Variants in TUSC3 observed in about 807,000 individuals in gnomAD.
TUSC3 encodes the protein tumor suppressor candidate 3.
TUSC3 carries 45 observed loss-of-function variants against 44.8 expected under a neutral mutation model. That is an observed-to-expected ratio of 1.00 (90% CI 0.79 to 1.29). The LOEUF (loss-of-function observed/expected upper bound fraction) is 1.29. Among genes scored for constraint, TUSC3 ranks in the 50% most tolerant of loss-of-function variants. The pLI is 0.00. For missense variants in TUSC3, 519 were observed against 437.9 expected (o/e 1.19, Z -1.65); for synonymous variants, 212 against 152.9 (o/e 1.39, Z -2.85).
In TUSC3 at chr8:15,442,850, C is replaced by T. The variant is rs936243805; in HGVS notation, n.91+25545C>T. Among the ~76,000 whole-genome samples, 19 of 152,282 alleles carry T rather than the reference C, an allele frequency of 1.2e-4. No individual in the cohort carries two copies. The East Asian group carries it at 2.5e-3, about 20-fold the overall frequency. On this transcript the variant is annotated intron_variant and non_coding_transcript_variant, in intron 1 of 5. Coordinates refer to the TUSC3 transcript ENST00000503191. ...GCCTTGGTCTTCTGTATCCATGGTG[C>T]ATGGAGCCCAGTTGTAGACAAGAAT...
chr8:15,539,345 CTTTTTTTTTT>C (rs35685582), upstream of TUSC3, among the ~76,000 whole-genome samples: 32 of 69,410 alleles, frequency 4.6e-4, no homozygotes, highest in Admixed American at 5.4e-3. Context: ...TGCTATGGTT[CTTTTTTTTTT>C]TTTTTTTTTT....
chr8:15,778,951 G>A, the TUSC3 span, among the ~76,000 whole-genome samples: 1 of 152,048 alleles, frequency 6.6e-6, no homozygotes, highest in African/African-American at 2.4e-5. Context: ...AACCCAAAAG[G>A]CTATTTAATT....
At chr8:15,497,447 A>T (rs771565683) in intron 2 of TUSC3, among the ~76,000 whole-genome samples, 3 of 152,196 alleles carry the variant, frequency 2.0e-5, no homozygotes, top group Non-Finnish European at 4.4e-5. Context: ...TTAAAATTAG[A>T]TTCCAGAACT....
chr8:15,426,849 C>A (rs1392412639), intron 1 of TUSC3, among the ~76,000 whole-genome samples: 1 of 152,166 alleles, frequency 6.6e-6, no homozygotes, highest in East Asian at 1.9e-4. Context: ...TATATTCCCA[C>A]CAGCATTGTA....
At chr8:15,446,685 C>T (rs571205436) in intron 1 of TUSC3, among the ~76,000 whole-genome samples, 1 of 134,868 alleles carries the variant, frequency 7.4e-6, no homozygotes, top group South Asian at 2.4e-4. Flanking sequence ...CAGTCTAGTC[C>T]AGCCTCGGCT....
intron 1 of TUSC3, among the ~76,000 whole-genome samples, chr8:15,424,236 T>A (rs935076974): frequency 6.6e-6 from 1 of 151,904 alleles, no homozygotes; most frequent in African/African-American, 2.4e-5. Flanking sequence ...ATCTGCCCCC[T>A]TGGCCTCCCA....
chr8:15,849,840 G>T, the TUSC3 span, among the ~76,000 whole-genome samples: 1 of 152,050 alleles, frequency 6.6e-6, no homozygotes, highest in Non-Finnish European at 1.5e-5. Flanking sequence ...CTTGAAATGA[G>T]ACTTTGTGTG....
the TUSC3 span, among the ~76,000 whole-genome samples, chr8:15,840,867 CAAG>C: frequency 6.6e-6 from 1 of 152,064 alleles, no homozygotes; most frequent in Non-Finnish European, 1.5e-5. Context: ...ATGACATAAA[CAAG>C]AAGTAAAGTC....
At chr8:15,440,198 G>C (rs2129118312) in intron 1 of TUSC3, among the ~76,000 whole-genome samples, 1 of 152,322 alleles carries the variant, frequency 6.6e-6, no homozygotes, top group Non-Finnish European at 1.5e-5. Flanking sequence ...AAGGTGAACA[G>C]AAGTTAACAA....
At chr8:15,838,388 A>G in the TUSC3 span, among the ~76,000 whole-genome samples, 1 of 152,176 alleles carries the variant, frequency 6.6e-6, no homozygotes, top group Non-Finnish European at 1.5e-5. Flanking sequence ...AGTCATAACT[A>G]TAATGCCAGG....
intron 1 of TUSC3, among the ~76,000 whole-genome samples, chr8:15,478,686 G>T (rs1011087870): frequency 6.6e-6 from 1 of 152,154 alleles, no homozygotes; most frequent in Non-Finnish European, 1.5e-5. Context: ...TATTACAGAT[G>T]GGTATTTGTG....
At chr8:15,604,712 A>G (rs1295516590) in intron 1 of TUSC3, among the ~76,000 whole-genome samples, 1 of 151,834 alleles carries the variant, frequency 6.6e-6, no homozygotes, top group East Asian at 1.9e-4. Context: ...AAGCCTTTGA[A>G]CAGTCATTGA....
chr8:15,564,813 C>A (rs930524861), intron 1 of TUSC3, among the ~76,000 whole-genome samples: 1 of 152,044 alleles, frequency 6.6e-6, no homozygotes, highest in Non-Finnish European at 1.5e-5. Flanking sequence ...CACTCCCACC[C>A]TGTTCTAAGG....
In TUSC3 at chr8:15,472,757, A is replaced by C. The variant is rs866510140; in HGVS notation, n.92-10629A>C. ...ATATGGTGCCGATAATTTACATTTT[A>C]CTTGTGACAAGATCAAATCCATTAT... On this transcript the variant is annotated intron_variant and non_coding_transcript_variant, in intron 1 of 5. Coordinates refer to the TUSC3 transcript ENST00000503191. 2.0e-5 allele frequency among the ~76,000 whole-genome samples: 3 copies of C among 152,324 alleles called. No homozygotes were observed. The South Asian group carries it at 6.2e-4, about 32-fold the overall frequency.
intron 2 of TUSC3, among the ~76,000 whole-genome samples, chr8:15,526,257 T>C (rs545439755): frequency 6.6e-6 from 1 of 152,038 alleles, no homozygotes; most frequent in Admixed American, 6.6e-5. Flanking sequence ...GTGGTCTCGA[T>C]CTCCTGACCT....
chr8:15,717,304 T>A (rs930847057), intron 6 of TUSC3, among the ~76,000 whole-genome samples: 2 of 152,114 alleles, frequency 1.3e-5, no homozygotes, highest in African/African-American at 4.8e-5. Context: ...CATCATTTTT[T>A]GAGATGAATC....
chr8:15,678,494 A>C (rs973729181), intron 6 of TUSC3, among the ~76,000 whole-genome samples: 7 of 152,184 alleles, frequency 4.6e-5, no homozygotes, highest in African/African-American at 1.7e-4. Context: ...AAAAGCAACA[A>C]ATAAAAGTCT....
chr8:15,708,858 T>C (rs1809723889), intron 6 of TUSC3, among the ~76,000 whole-genome samples: 1 of 151,918 alleles, frequency 6.6e-6, no homozygotes, highest in Non-Finnish European at 1.5e-5. Context: ...TTCTGACTGA[T>C]AAATACATCA....
intron 1 of TUSC3, among the ~76,000 whole-genome samples, chr8:15,427,133 C>A (rs549880253): frequency 6.7e-5 from 10 of 149,758 alleles, no homozygotes; most frequent in Non-Finnish European, 1.5e-4. Flanking sequence ...GGAAATTAAC[C>A]CCTTATGAGA....
Sources: allele counts gnomAD v4.1 joint callset (sites outside exome capture counted in the v4.1 genomes callset), GRCh38; gene constraint gnomAD v4.1.1; transcripts MANE v1.5; gene names NCBI Gene and HGNC (gene_info 2026-07-23, HGNC 2026-07-21).